NR3C2: variants seen among roughly 807,000 people sequenced by gnomAD.
The protein encoded by NR3C2 is mineralocorticoid receptor.
NR3C2 carries 15 observed loss-of-function variants against 86.4 expected under a neutral mutation model. The observed-to-expected ratio is 0.17, with a 90% CI of 0.12 to 0.27. The LOEUF is 0.27. Ranked by LOEUF, NR3C2 falls within the 10% of genes least tolerant of loss-of-function variation. The probability of loss-of-function intolerance (pLI) is 1.00; values close to 1 mark genes in which losing one functional copy is unlikely to be tolerated. For missense variants in NR3C2, 960 were observed against 1,195.6 expected, an observed-to-expected ratio of 0.80 and a Z score of 2.91; for synonymous variants, 458 against 450.5, an observed-to-expected ratio of 1.02 and a Z score of -0.21.
intron 3 of NR3C2, among the ~76,000 whole-genome samples, chr4:148,246,756 T>C (rs987484111): frequency 6.6e-6 from 1 of 152,158 alleles, no homozygotes; most frequent in East Asian, 1.9e-4. Flanking sequence ...TTTCACCATG[T>C]TGGCCAGGCT....
chr4:148,213,731 C>T (rs1418011721), intron 3 of NR3C2, among the ~76,000 whole-genome samples: 4 of 152,198 alleles, frequency 2.6e-5, no homozygotes, highest in Admixed American at 6.5e-5. Flanking sequence ...GGGCATGCAA[C>T]GTTCTCAGAA....
intron 6 of NR3C2, among the ~76,000 whole-genome samples, chr4:148,144,379 T>C (rs1449318556): frequency 6.6e-6 from 1 of 151,992 alleles, no homozygotes; most frequent in Non-Finnish European, 1.5e-5. Flanking sequence ...TAATTATTTG[T>C]AGAGACAGGG....
At position 148,079,268 on chromosome 4, in the gene NR3C2, G is replaced by A. The variant is rs568008977; in HGVS notation, c.*2076C>T. 1 of 152,214 alleles carries A rather than the reference G, an allele frequency of 6.6e-6. No individual in the cohort carries two copies. Among genetic ancestry groups the A allele is most frequent in the Non-Finnish European group, 1.5e-5 (1 of 68,048 alleles). The allele number at this position is 152,214 out of a possible 1,614,324, so 9.4% of individuals were successfully genotyped here. A position where few individuals can be genotyped will look rare whatever the true frequency, so the allele number is the denominator to read the frequency against. On this transcript the variant is annotated 3_prime_UTR_variant, in exon 9 of 9. Coordinates refer to ENST00000358102, the MANE Select transcript of NR3C2 (RefSeq NM_000901.5). ...TATTACTGTGCACCGTAAGTTGACT[G>A]TATTTAAAGATCTGCCTATAAATTA...
intron 4 of NR3C2, among the ~76,000 whole-genome samples, chr4:148,160,221 C>A (rs550055153): frequency 6.6e-6 from 1 of 152,206 alleles, no homozygotes; most frequent in African/African-American, 2.4e-5. Flanking sequence ...TGAATTGTTC[C>A]CCGAGGAACT....
Position 148,406,452 on chromosome 4 carries a change from G to A in NR3C2, c.1757+28652C>T, listed in dbSNP as rs77174530. Among the ~76,000 whole-genome samples the A allele has an allele frequency of 2.7e-3, 412 of 152,232 alleles. 5 individuals carry two copies. Among genetic ancestry groups the A allele is most frequent in the African/African-American group, 9.5e-3 (394 of 41,556 alleles). On this transcript the variant is annotated intron_variant, in intron 2 of 8. Coordinates refer to ENST00000358102, the MANE Select transcript of NR3C2 (RefSeq NM_000901.5). ...CGCAGACGTGAGCAAGGACGTTGTG[G>A]TGGTTAGGAGGTATGGAAAGATAAT...
chr4:148,409,664 T>A lies in NR3C2; in HGVS notation c.1757+25440A>T, dbSNP rs552927126. Among the ~76,000 whole-genome samples the A allele has an allele frequency of 3.0e-4, 45 of 152,266 alleles. 1 individual carries two copies. In the South Asian group the frequency reaches 6.0e-3, roughly 20 times the overall value. On this transcript the variant is annotated intron_variant, in intron 2 of 8. Coordinates refer to ENST00000358102, the MANE Select transcript of NR3C2 (RefSeq NM_000901.5). ...GTTAGTTGTTTGAAAATTGAGCATA[T>A]AATAAAATGTTTATTGAAAATATAT...
At chr4:148,285,279 G>A (rs975782212) in intron 2 of NR3C2, among the ~76,000 whole-genome samples, 3 of 152,186 alleles carry the variant, frequency 2.0e-5, no homozygotes, top group African/African-American at 4.8e-5. Flanking sequence ...AACTTCTATT[G>A]TGAAAGACAG....
intron 2 of NR3C2, among the ~76,000 whole-genome samples, chr4:148,336,075 A>G (rs552244801): frequency 2.0e-5 from 3 of 152,252 alleles, no homozygotes; most frequent in Non-Finnish European, 4.4e-5. Context: ...GCCTTGAGTG[A>G]TAGTGTCTCA....
intron 3 of NR3C2, among the ~76,000 whole-genome samples, chr4:148,251,364 C>T (rs908642168): frequency 2.0e-5 from 3 of 152,184 alleles, no homozygotes; most frequent in East Asian, 3.9e-4. Context: ...TATTTGATGA[C>T]AGTCAATTTA....
At chr4:148,356,899 CTGTGTGTGTGTGTGTGTGTGTG>C (rs67285458) in intron 2 of NR3C2, among the ~76,000 whole-genome samples, 3 of 148,968 alleles carry the variant, frequency 2.0e-5, no homozygotes, top group Non-Finnish European at 3.0e-5. Flanking sequence ...CTAAGCACGA[CTGTGTGTGTGTGTGTGTGTGTG>C]TGTGTGTGTG....
At chr4:148,116,340 A>T (rs1732273594) in intron 7 of NR3C2, among the ~76,000 whole-genome samples, 1 of 152,236 alleles carries the variant, frequency 6.6e-6, no homozygotes. Flanking sequence ...CAGATTTTTT[A>T]GAAGTTGAAA....
chr4:148,252,470 A>T (rs1739625544), intron 3 of NR3C2, among the ~76,000 whole-genome samples: 1 of 152,220 alleles, frequency 6.6e-6, no homozygotes, highest in African/African-American at 2.4e-5. Flanking sequence ...AGACAGAACT[A>T]AGTATTTTTC....
At chr4:148,215,088 T>C (rs1737462664) in intron 3 of NR3C2, among the ~76,000 whole-genome samples, 1 of 152,168 alleles carries the variant, frequency 6.6e-6, no homozygotes, top group Non-Finnish European at 1.5e-5. Context: ...TGGATTCTTA[T>C]CTTTATGCCT....
At chr4:148,321,843 C>T (rs527937809) in intron 2 of NR3C2, among the ~76,000 whole-genome samples, 2 of 152,278 alleles carry the variant, frequency 1.3e-5, no homozygotes, top group African/African-American at 4.8e-5. Flanking sequence ...ATTTGCCAGT[C>T]TGTGTCTTTT....
intron 3 of NR3C2, among the ~76,000 whole-genome samples, chr4:148,227,942 C>T (rs1738258201): frequency 1.3e-5 from 2 of 152,302 alleles, no homozygotes; most frequent in African/African-American, 4.8e-5. Context: ...AAGATCCTGA[C>T]TCTTTTTGGT....
intron 3 of NR3C2, among the ~76,000 whole-genome samples, chr4:148,241,057 A>G (rs749617374): frequency 1.4e-4 from 21 of 151,992 alleles, no homozygotes; most frequent in Non-Finnish European, 2.1e-4. Context: ...TGTAATCCCA[A>G]CGCTTTGGGA....
At chr4:148,179,021 C>G (rs1350023428) in intron 4 of NR3C2, among the ~76,000 whole-genome samples, 3 of 150,572 alleles carry the variant, frequency 2.0e-5, no homozygotes, top group Admixed American at 2.0e-4. Context: ...GAGTGATATT[C>G]CAGCAGTTCA....
chr4:148,111,591 G>T (rs1158725225), intron 8 of NR3C2, among the ~76,000 whole-genome samples: 1 of 152,148 alleles, frequency 6.6e-6, no homozygotes, highest in African/African-American at 2.4e-5. Context: ...CCATCAATAG[G>T]TGACTGCACA....
chr4:148,249,668 G>C lies in NR3C2; in HGVS notation c.1897+10310C>G, dbSNP rs61758930. 6.3e-3 allele frequency among the ~76,000 whole-genome samples: 965 copies of C among 152,300 alleles called. 4 individuals are homozygous for C. Among genetic ancestry groups the C allele is most frequent in the Non-Finnish European group, 0.011 (740 of 68,020 alleles). On this transcript the variant is annotated intron_variant, in intron 3 of 8. Coordinates refer to ENST00000358102, the MANE Select transcript of NR3C2 (RefSeq NM_000901.5). Reference sequence around the variant, plus strand: ...GTGTGAGTTTAAATGTCTTATACCTGTAAGGAGAAAATACATTTCTCTCTC... The same window carrying C: ...GTGTGAGTTTAAATGTCTTATACCTCTAAGGAGAAAATACATTTCTCTCTC...
Sources: allele counts gnomAD v4.1 joint callset (sites outside exome capture counted in the v4.1 genomes callset), GRCh38; gene constraint gnomAD v4.1.1; transcripts MANE v1.5; gene names NCBI Gene and HGNC (gene_info 2026-07-23, HGNC 2026-07-21).